SEMA3A: variants seen among roughly 807,000 people sequenced by gnomAD.
SEMA3A encodes the protein semaphorin-3A.
A neutral mutation model predicts 97.9 loss-of-function variants in SEMA3A; 29 were observed. That is an observed-to-expected ratio of 0.30 (90% CI 0.22 to 0.40). The LOEUF (loss-of-function observed/expected upper bound fraction) is 0.40. Among genes scored for constraint, SEMA3A ranks in the 10% least tolerant of loss-of-function variants. SEMA3A has a pLI of 1.00. For synonymous variants in SEMA3A, 321 were observed against 323.7 expected, an observed-to-expected ratio of 0.99 and a Z score of 0.09; for missense variants, 763 against 951.3, an observed-to-expected ratio of 0.80 and a Z score of 2.60.
At chr7:84,302,475 C>T (rs1584219389) in intron 3 of SEMA3A, among the ~76,000 whole-genome samples, 1 of 152,092 alleles carries the variant, frequency 6.6e-6, no homozygotes, top group South Asian at 2.1e-4. Flanking sequence ...GAGTGTTTTG[C>T]CTTTCATACA....
chr7:84,034,815 C>T (rs1791883856), intron 6 of SEMA3A, among the ~76,000 whole-genome samples: 1 of 151,520 alleles, frequency 6.6e-6, no homozygotes. Context: ...TTTGACTGCT[C>T]ATATGGAGTT....
At chr7:84,265,576 C>T (rs1004524682) in intron 3 of SEMA3A, among the ~76,000 whole-genome samples, 45 of 147,236 alleles carry the variant, frequency 3.1e-4, no homozygotes, top group African/African-American at 1.1e-3. Context: ...ATATTTAAGA[C>T]ATATATATAT....
At chr7:84,188,922 T>C (rs1011837668) in intron 1 of SEMA3A, among the ~76,000 whole-genome samples, 3 of 151,950 alleles carry the variant, frequency 2.0e-5, no homozygotes, top group Admixed American at 6.6e-5. Context: ...ATGACTATTA[T>C]GCCAATTTTT....
chr7:84,384,507 T>G (rs1190386831), intron 1 of SEMA3A, among the ~76,000 whole-genome samples: 1 of 152,094 alleles, frequency 6.6e-6, no homozygotes, highest in East Asian at 1.9e-4. Flanking sequence ...TATAGTAATC[T>G]AAAAAATGTC....
At chr7:84,473,549 T>C (rs1806208052) in intron 1 of SEMA3A, among the ~76,000 whole-genome samples, 1 of 151,740 alleles carries the variant, frequency 6.6e-6, no homozygotes, top group African/African-American at 2.4e-5. Context: ...CCACCACGCC[T>C]GGCTAATTTT....
intron 3 of SEMA3A, among the ~76,000 whole-genome samples, chr7:84,227,781 A>G (rs548088056): frequency 6.6e-6 from 1 of 152,164 alleles, no homozygotes; most frequent in South Asian, 2.1e-4. Flanking sequence ...CCACCAGACT[A>G]TCACAGAAAC....
At chr7:84,144,695 A>C (rs1796412784) in intron 1 of SEMA3A, among the ~76,000 whole-genome samples, 1 of 152,174 alleles carries the variant, frequency 6.6e-6, no homozygotes, top group Admixed American at 6.6e-5. Flanking sequence ...GTGACTCAGC[A>C]ATTTGTCTTT....
intron 1 of SEMA3A, among the ~76,000 whole-genome samples, chr7:84,448,967 A>C (rs1805493140): frequency 6.6e-6 from 1 of 152,180 alleles, no homozygotes; most frequent in Non-Finnish European, 1.5e-5. Context: ...AAATAGAATA[A>C]AATAAATACT....
At chr7:84,271,812 A>C (rs938285383) in intron 3 of SEMA3A, among the ~76,000 whole-genome samples, 7 of 152,158 alleles carry the variant, frequency 4.6e-5, no homozygotes, top group Non-Finnish European at 1.0e-4. Context: ...TAGTCAGAAA[A>C]GTCATCCTCA....
chr7:83,973,938 A>G (rs1385269709), intron 15 of SEMA3A, among the ~76,000 whole-genome samples: 4 of 150,892 alleles, frequency 2.7e-5, no homozygotes, highest in Admixed American at 2.6e-4. Flanking sequence ...CATGTAAATC[A>G]TAATATGGCC....
intron 5 of SEMA3A, among the ~76,000 whole-genome samples, chr7:84,051,336 C>G: frequency 6.6e-6 from 1 of 152,110 alleles, no homozygotes; most frequent in African/African-American, 2.4e-5. Flanking sequence ...TTCTTCCTAC[C>G]CATGAGCATG....
At chr7:84,423,308 T>C (rs2116285831) in intron 1 of SEMA3A, among the ~76,000 whole-genome samples, 1 of 152,202 alleles carries the variant, frequency 6.6e-6, no homozygotes, top group Admixed American at 6.6e-5. Context: ...CCACCTCTTT[T>C]ACCTCAATTC....
rs1477002279 is a variant in SEMA3A, at chr7:84,110,524, T to C, written c.399A>G (p.Gly133=). Reference sequence around the variant, plus strand: ...TGCAAATTGGATGAAAAGCCCCCGTTCCACAGGCGTACAAGTGAGTCTGAT... The same window carrying C: ...TGCAAATTGGATGAAAAGCCCCCGTCCCACAGGCGTACAAGTGAGTCTGAT... ...AYNQTHLYAC[G]TGAFHPICTY... is the part of the protein sequence containing the mutation. Residue 133 remains glycine, a synonymous_variant, in exon 4 of 17, where the codon GGA becomes GGG. Transcript: ENST00000265362. 26 of 1,613,860 alleles carry C rather than the reference T, an allele frequency of 1.6e-5. No homozygotes were observed. Among genetic ancestry groups the C allele is most frequent in the Non-Finnish European group, 2.1e-5 (25 of 1,179,916 alleles).
At chr7:83,963,461 C>A in intron 15 of SEMA3A, 114 bp from the exon 16 acceptor site, 1 of 1,129,542 alleles carries the variant, frequency 8.9e-7, no homozygotes. Flanking sequence ...GAAGTTGTTT[C>A]ACATTGATTG....
intron 4 of SEMA3A, among the ~76,000 whole-genome samples, chr7:84,071,507 C>G (rs1793739515): frequency 6.6e-6 from 1 of 152,072 alleles, no homozygotes; most frequent in African/African-American, 2.4e-5. Flanking sequence ...AATACTCACT[C>G]TATTTTTCCT....
intron 14 of SEMA3A, among the ~76,000 whole-genome samples, chr7:83,979,367 C>T (rs1392331288): frequency 7.2e-5 from 11 of 152,082 alleles, no homozygotes; most frequent in Non-Finnish European, 5.9e-5. Context: ...CTCTTGACAT[C>T]GTGAGCCGCC....
At chr7:84,046,070 C>T (rs1182123802) in intron 6 of SEMA3A, among the ~76,000 whole-genome samples, 6 of 151,872 alleles carry the variant, frequency 4.0e-5, no homozygotes, top group Admixed American at 1.3e-4. Context: ...TCCGTAGCTC[C>T]GGTCCAGATC....
chr7:83,986,830 AT>A (rs1789651192), intron 12 of SEMA3A, among the ~76,000 whole-genome samples: 1 of 148,058 alleles, frequency 6.8e-6, no homozygotes, highest in Non-Finnish European at 1.5e-5. Flanking sequence ...CAGTTTTCTC[AT>A]TTGAAAGTTA....
chr7:84,328,187 T>C (rs1801814493), intron 2 of SEMA3A, among the ~76,000 whole-genome samples: 1 of 151,984 alleles, frequency 6.6e-6, no homozygotes, highest in Non-Finnish European at 1.5e-5. Context: ...AAACCCAAAA[T>C]GAATGAGGAC....
Sources: gnomAD v4.1 joint callset for allele counts (sites outside exome capture counted in the v4.1 genomes callset) on GRCh38, gnomAD v4.1.1 for gene constraint, MANE v1.5 for transcripts, NCBI Gene and HGNC (gene_info 2026-07-23, HGNC 2026-07-21) for gene names.